SACM1L: variants seen among roughly 807,000 people sequenced by gnomAD.
The protein encoded by SACM1L is phosphatidylinositol-3-phosphatase SAC1.
In SACM1L, 32 loss-of-function variants were observed where a neutral mutation model predicts 89.5. That is an observed-to-expected ratio of 0.36 (90% CI 0.27 to 0.48). SACM1L has a LOEUF of 0.48. Ranked by LOEUF, SACM1L falls within the 20% of genes least tolerant of loss-of-function variation. The pLI is 0.99. For synonymous variants in SACM1L, 213 were observed against 232.8 expected (o/e 0.92, Z 0.77); for missense variants, 543 against 708.5 (o/e 0.77, Z 2.65).
Position 45,739,841 on chromosome 3 carries a change from T to C in SACM1L, c.1627+197T>C, listed in dbSNP as rs1699278860. The C allele has an allele frequency of 4.9e-6, 3 of 611,824 alleles. No homozygotes were observed. In the East Asian group the frequency reaches 8.2e-5, roughly 17 times the overall value. The allele number at this position is 611,824 out of a possible 1,614,324, so 37.9% of individuals were successfully genotyped here. A position where few individuals can be genotyped will look rare whatever the true frequency, so the allele number is the denominator to read the frequency against. ...TAGTAGTTTGATGGTTGTCGTTTTT[T>C]TTAACCTCAGATTTTAAAAACATGT... On this transcript the variant is annotated intron_variant, in intron 19 of 19. Transcript: ENST00000389061.
At chr3:45,708,542 A>C (rs1026450450) in intron 4 of SACM1L, among the ~76,000 whole-genome samples, 1 of 152,066 alleles carries the variant, frequency 6.6e-6, no homozygotes, top group Non-Finnish European at 1.5e-5. Flanking sequence ...GTAAAACTAC[A>C]GGATATGCTT....
intron 3 of SACM1L, among the ~76,000 whole-genome samples, chr3:45,706,084 C>A (rs1698385519): frequency 6.6e-6 from 1 of 152,162 alleles, no homozygotes; most frequent in Non-Finnish European, 1.5e-5. Flanking sequence ...TACAGTGTGA[C>A]AAGTTCCAGG....
chr3:45,737,619 GAAC>G lies in SACM1L; in HGVS notation c.1279_1281del (p.Gln427del). 1.3e-6 allele frequency: 2 copies of G among 1,594,060 alleles called. No individual in the cohort carries two copies. Among genetic ancestry groups the G allele is most frequent in the Non-Finnish European group, 1.7e-6 (2 of 1,175,324 alleles). On this transcript the variant is annotated inframe_deletion, in exon 15 of 20. Transcript: ENST00000389061. ...TTTGCATGTGGGACAAAAGCTTGAA[GAAC>G]AAGATGAATTTGAGAAGATTTACAA...
rs149661670 is a variant in SACM1L at position 45,714,482 on chromosome 3, G to A, written c.577+403G>A. Among the ~76,000 whole-genome samples, 1,001 of 152,282 alleles carry A rather than the reference G, an allele frequency of 6.6e-3. 11 individuals are homozygous for A. The highest frequency in any genetic ancestry group is 0.023 in the African/African-American group (936 of 41,568). Reference sequence around the variant, plus strand: ...ATGGTGGCTTGCACCTCTAGTCCCAGTTACTCAGGAGGCTGAGGTGGGAGG... The same window carrying A: ...ATGGTGGCTTGCACCTCTAGTCCCAATTACTCAGGAGGCTGAGGTGGGAGG... On this transcript the variant is annotated intron_variant, in intron 7 of 19. Coordinates refer to ENST00000389061, the MANE Select transcript of SACM1L (RefSeq NM_014016.5).
chr3:45,690,302 G>A (rs1399716948), intron 1 of SACM1L: 1 of 152,226 alleles, frequency 6.6e-6, no homozygotes, highest in Non-Finnish European at 1.5e-5. Context: ...TCTTGTCTGT[G>A]AATAATTTTG....
chr3:45,698,665 C>G (rs1463101908), intron 1 of SACM1L, among the ~76,000 whole-genome samples: 1 of 152,220 alleles, frequency 6.6e-6, no homozygotes, highest in Non-Finnish European at 1.5e-5. Context: ...ATTCTCCTGC[C>G]TCAGCCTCCT....
chr3:45,701,903 T>G (rs915989555), intron 1 of SACM1L, among the ~76,000 whole-genome samples: 2 of 152,216 alleles, frequency 1.3e-5, no homozygotes, highest in African/African-American at 2.4e-5. Context: ...GAACCGTTCC[T>G]TTATTCATAG....
chr3:45,708,065 A>G lies in SACM1L; in HGVS notation c.333+1158A>G, dbSNP rs1030813797. On this transcript the variant is annotated intron_variant, in intron 4 of 19. Transcript: ENST00000389061. ...AAGTTAATATCTATAACTAATATCT[A>G]TAACTTACAATAGAGTTTTTAATGT... 1.3e-4 allele frequency among the ~76,000 whole-genome samples: 20 copies of G among 152,268 alleles called. No individual in the cohort carries two copies. The East Asian group carries it at 3.5e-3, about 26-fold the overall frequency.
intron 1 of SACM1L, among the ~76,000 whole-genome samples, chr3:45,696,540 A>C (rs978608155): frequency 1.3e-5 from 2 of 152,176 alleles, no homozygotes; most frequent in African/African-American, 4.8e-5. Context: ...ATGGGCCACC[A>C]TACTGTTTTC....
intron 18 of SACM1L, 89 bp downstream of exon 18, chr3:45,738,962 G>A (rs1699260820): frequency 1.0e-5 from 8 of 784,864 alleles, no homozygotes; most frequent in African/African-American, 1.7e-5. Context: ...AACGTTATAT[G>A]TGGTTTTATA....
rs763041966 is a variant in SACM1L, at chr3:45,709,537, G to A, written c.373G>A (p.Val125Ile). The change falls in exon 5 of 20, where the codon GTC (valine) becomes ATC (isoleucine). Residue 125 changes from valine to isoleucine, a missense_variant. Transcript: ENST00000389061. ...NKTFLAMLNHVLNVDGFYFST... is the reference protein window; with the variant it reads ...NKTFLAMLNHILNVDGFYFST... ...AACCTTCCTAGCGATGCTAAACCAT[G>A]TCTTGAATGTGGATGGATTTTACTT... The A allele has an allele frequency of 7.4e-6, 12 of 1,613,522 alleles. No individual in the cohort carries two copies. In the Admixed American group the frequency reaches 2.0e-4, roughly 27 times the overall value.
At chr3:45,737,450 A>G in intron 14 of SACM1L, 133 bp from the exon 15 acceptor site, 2 of 894,230 alleles carry the variant, frequency 2.2e-6, no homozygotes, top group South Asian at 2.9e-5. Flanking sequence ...GGCCCCCTAT[A>G]GACAACAGAC....
Position 45,743,781 on chromosome 3 carries a change from A to G in SACM1L, c.*112A>G. 1 of 1,124,282 alleles carries G rather than the reference A, an allele frequency of 8.9e-7. No individual in the cohort carries two copies. Among genetic ancestry groups the G allele is most frequent in the African/African-American group, 1.6e-5 (1 of 63,754 alleles). The allele number at this position is 1,124,282 out of a possible 1,614,324, so 69.6% of individuals were successfully genotyped here. A position where few individuals can be genotyped will look rare whatever the true frequency, so the allele number is the denominator to read the frequency against. ...AAGGTCTTTTTAATGCCTTTATCCA[A>G]AAGCACATCTTGTGCTCCATGCAGG... On this transcript the variant is annotated 3_prime_UTR_variant, in exon 20 of 20. Coordinates refer to ENST00000389061, the MANE Select transcript of SACM1L (RefSeq NM_014016.5).
At chr3:45,717,743 A>G (rs1241709907) in intron 7 of SACM1L, among the ~76,000 whole-genome samples, 2 of 152,358 alleles carry the variant, frequency 1.3e-5, no homozygotes, top group Middle Eastern at 3.4e-3. Flanking sequence ...ACAGTGTGGC[A>G]TACATTAAAA....
At chr3:45,702,030 A>G (rs867667154) in intron 1 of SACM1L, among the ~76,000 whole-genome samples, 2 of 152,240 alleles carry the variant, frequency 1.3e-5, no homozygotes, top group South Asian at 2.1e-4. Flanking sequence ...TGTTGTGTTC[A>G]GGTTAAATTG....
At chr3:45,717,989 G>A (rs1698701009) in intron 7 of SACM1L, among the ~76,000 whole-genome samples, 1 of 152,232 alleles carries the variant, frequency 6.6e-6, no homozygotes, top group Non-Finnish European at 1.5e-5. Flanking sequence ...AGAAGCCAAA[G>A]TAATTCTTGA....
intron 11 of SACM1L, among the ~76,000 whole-genome samples, chr3:45,728,369 A>G (rs1698972413): frequency 6.6e-6 from 1 of 151,784 alleles, no homozygotes; most frequent in Non-Finnish European, 1.5e-5. Flanking sequence ...CATTTCCTCC[A>G]TTACTGTCTC....
In SACM1L at chr3:45,743,796, C is replaced by CTTT; in HGVS notation, c.*128_*129insTTT. The CTTT allele has an allele frequency of 6.4e-6, 6 of 940,990 alleles. No individual in the cohort carries two copies. Among genetic ancestry groups the CTTT allele is most frequent in the African/African-American group, 1.7e-5 (1 of 60,070 alleles). The allele number at this position is 940,990 out of a possible 1,614,324, so 58.3% of individuals were successfully genotyped here. On this transcript the variant is annotated 3_prime_UTR_variant, in exon 20 of 20. Transcript: ENST00000389061. ...CCTTTATCCAAAAGCACATCTTGTGCTCCATGCAGGATGATGACAGAATTG... is the reference window on the plus strand; with the variant it reads ...CCTTTATCCAAAAGCACATCTTGTGCTTTTCCATGCAGGATGATGACAGAATTG...
At chr3:45,710,610 A>AT (rs1034236281) in intron 5 of SACM1L, among the ~76,000 whole-genome samples, 28 of 148,956 alleles carry the variant, frequency 1.9e-4, no homozygotes, top group Admixed American at 5.4e-4. Flanking sequence ...TGCTACCTGA[A>AT]TTTTTTTTTG....
Sources: gnomAD v4.1 joint callset for allele counts (sites outside exome capture counted in the v4.1 genomes callset) on GRCh38, gnomAD v4.1.1 for gene constraint, MANE v1.5 for transcripts, NCBI Gene and HGNC (gene_info 2026-07-23, HGNC 2026-07-21) for gene names.